Variants in IMPG1 observed in about 807,000 individuals in gnomAD.
The protein encoded by IMPG1 is interphotoreceptor matrix proteoglycan 1.
In IMPG1, 85 loss-of-function variants were observed where a neutral mutation model predicts 92.0. The ratio of observed to expected loss-of-function variants is 0.92; its 90% CI spans 0.78 to 1.11. The LOEUF is 1.11. Ranked by LOEUF, IMPG1 falls within the 50% of genes least tolerant of loss-of-function variation. IMPG1 has a pLI of 0.00. For synonymous variants in IMPG1, 367 were observed against 334.1 expected (o/e 1.10, Z -1.08); for missense variants, 1,022 against 956.0 (o/e 1.07, Z -0.91).
chr6:76,053,302 T>C (rs914159092), intron 1 of IMPG1, among the ~76,000 whole-genome samples: 6 of 152,184 alleles, frequency 3.9e-5, no homozygotes, highest in African/African-American at 1.4e-4. Context: ...TAGCCTAGGT[T>C]GACACAAAGT....
chr6:76,068,992 A>T (rs1286554563), intron 1 of IMPG1, among the ~76,000 whole-genome samples: 1 of 152,174 alleles, frequency 6.6e-6, no homozygotes, highest in Non-Finnish European at 1.5e-5. Context: ...ATATTATACT[A>T]CAAGGCTATA....
At chr6:76,027,735 T>C (rs1223295973) in intron 4 of IMPG1, among the ~76,000 whole-genome samples, 2 of 152,238 alleles carry the variant, frequency 1.3e-5, no homozygotes, top group Non-Finnish European at 2.9e-5. Flanking sequence ...CAAAATTTTC[T>C]TCAGGCACTA....
chr6:75,984,884 G>T (rs1372030490), intron 12 of IMPG1, among the ~76,000 whole-genome samples: 1 of 152,106 alleles, frequency 6.6e-6, no homozygotes, highest in African/African-American at 2.4e-5. Flanking sequence ...TGACATGCTT[G>T]CTCCCACCTC....
chr6:76,040,735 A>G (rs1471596239), intron 2 of IMPG1, among the ~76,000 whole-genome samples: 2 of 152,268 alleles, frequency 1.3e-5, no homozygotes, highest in African/African-American at 2.4e-5. Flanking sequence ...AATGAGACAC[A>G]TAAGGAATAT....
At chr6:76,035,238 A>G (rs2250190) in intron 2 of IMPG1, among the ~76,000 whole-genome samples, 151,027 of 152,174 alleles carry the variant, frequency 0.99, 74,948 homozygotes, top group East Asian at 1. Flanking sequence ...CGTGGTGGCT[A>G]ATGCCTGTAA....
At chr6:76,045,994 A>C (rs572851117) in intron 1 of IMPG1, among the ~76,000 whole-genome samples, 2 of 152,308 alleles carry the variant, frequency 1.3e-5, no homozygotes, top group African/African-American at 4.8e-5. Context: ...GATGATGACA[A>C]AATGAGTGTA....
chr6:75,935,060 G>GT (rs757876442), intron 14 of IMPG1: 3 of 468,466 alleles, frequency 6.4e-6, no homozygotes, highest in South Asian at 3.1e-5. Flanking sequence ...TTTCGTGGAC[G>GT]TTTTTTCCAA....
intron 1 of IMPG1, among the ~76,000 whole-genome samples, chr6:76,052,449 C>T (rs948914673): frequency 2.6e-5 from 4 of 152,172 alleles, no homozygotes; most frequent in Non-Finnish European, 5.9e-5. Flanking sequence ...TGCAGCCTCT[C>T]GAATGACGTA....
chr6:75,924,742 AATATATAATATATC>A lies in IMPG1; in HGVS notation c.2244-1050_2244-1037del, dbSNP rs1464468392. On this transcript the variant is annotated intron_variant, in intron 15 of 16. Transcript: ENST00000369950. ...TATAATATAATTATATATAATATATAATATATAATATATCATATAATTATATATAATATATATAA... is the reference window on the plus strand; with the variant it reads ...TATAATATAATTATATATAATATATAATATAATTATATATAATATATATAA... Among the ~76,000 whole-genome samples the A allele has an allele frequency of 4.5e-3, 264 of 59,094 alleles. 76 individuals are homozygous for A. Among genetic ancestry groups the A allele is most frequent in the African/African-American group, 0.018 (253 of 14,290 alleles). The allele number at this position is 59,094 out of a possible 152,430, so 38.8% of individuals were successfully genotyped here. A position where few individuals can be genotyped will look rare whatever the true frequency, so the allele number is the denominator to read the frequency against.
At chr6:76,050,593 C>A (rs1380331344) in intron 1 of IMPG1, among the ~76,000 whole-genome samples, 2 of 152,190 alleles carry the variant, frequency 1.3e-5, no homozygotes, top group East Asian at 3.8e-4. Flanking sequence ...TAGGCCACAT[C>A]ATCTCCTTGT....
At chr6:75,932,981 G>C (rs1422210182) in intron 14 of IMPG1, among the ~76,000 whole-genome samples, 1 of 152,088 alleles carries the variant, frequency 6.6e-6, no homozygotes, top group Non-Finnish European at 1.5e-5. Context: ...GATTACAGGC[G>C]TGAGCCACCG....
chr6:76,028,682 C>G (rs948248398), intron 4 of IMPG1, among the ~76,000 whole-genome samples: 1 of 152,080 alleles, frequency 6.6e-6, no homozygotes, highest in South Asian at 2.1e-4. Flanking sequence ...TAGAAAAAAT[C>G]AGCCAGGCAT....
chr6:76,065,099 C>T (rs1784286957), intron 1 of IMPG1, among the ~76,000 whole-genome samples: 1 of 151,734 alleles, frequency 6.6e-6, no homozygotes, highest in South Asian at 2.1e-4. Flanking sequence ...AAATCCTGTC[C>T]AAATGCAAAT....
chr6:75,968,843 G>A (rs534660058), intron 12 of IMPG1, among the ~76,000 whole-genome samples: 49 of 152,094 alleles, frequency 3.2e-4, no homozygotes, highest in African/African-American at 9.4e-4. Context: ...CAGGACCCTC[G>A]ACCTTGGACT....
chr6:75,944,211 GTGC>G (rs1781883341), intron 14 of IMPG1, among the ~76,000 whole-genome samples: 1 of 152,134 alleles, frequency 6.6e-6, no homozygotes, highest in Non-Finnish European at 1.5e-5. Context: ...ACTATTCCCT[GTGC>G]CCCCCTCTAT....
At chr6:75,936,249 A>G (rs1781742874) in intron 14 of IMPG1, among the ~76,000 whole-genome samples, 1 of 152,234 alleles carries the variant, frequency 6.6e-6, no homozygotes, top group Admixed American at 6.5e-5. Flanking sequence ...CAACTCAAAC[A>G]TACGTCTCCC....
chr6:75,999,849 T>C (rs1184516223), intron 12 of IMPG1, among the ~76,000 whole-genome samples: 1 of 152,256 alleles, frequency 6.6e-6, no homozygotes, highest in Non-Finnish European at 1.5e-5. Context: ...GCACAGCTAT[T>C]CCTCTAAATA....
Position 75,951,066 on chromosome 6 carries a change from G to A in IMPG1, c.1320C>T (p.Ala440=). 1 of 1,612,450 alleles carries A rather than the reference G, an allele frequency of 6.2e-7. No individual in the cohort carries two copies. Among genetic ancestry groups the A allele is most frequent in the Non-Finnish European group, 8.5e-7 (1 of 1,179,104 alleles). ...GTGGAGCTTCTGACAGGGAGGTAGA[G>A]GCCATAGCAGGTGGAGACCAAGAAG... ...PDTSWSPPAM[A]STSLSEAPPF... Residue 440 remains alanine (A), a synonymous_variant, in exon 13 of 17, where the codon GCC becomes GCT. Transcript: ENST00000369950.
intron 15 of IMPG1, among the ~76,000 whole-genome samples, chr6:75,925,396 A>G (rs536720204): frequency 2.3e-4 from 35 of 152,276 alleles, no homozygotes; most frequent in African/African-American, 7.9e-4. Context: ...TCCTATATAT[A>G]TATATTCCCT....
Sources: allele counts gnomAD v4.1 joint callset (sites outside exome capture counted in the v4.1 genomes callset), GRCh38; gene constraint gnomAD v4.1.1; transcripts MANE v1.5; gene names NCBI Gene and HGNC (gene_info 2026-07-23, HGNC 2026-07-21).